DZANK1: variants seen among roughly 807,000 people sequenced by gnomAD.
DZANK1 encodes the protein double zinc ribbon and ankyrin repeat domains 1.
DZANK1 carries 91 observed loss-of-function variants against 94.5 expected under a neutral mutation model. The ratio of observed to expected loss-of-function variants is 0.96; its 90% CI spans 0.81 to 1.15. DZANK1 has a LOEUF of 1.15. Ranked by LOEUF, DZANK1 falls within the 50% of genes most tolerant of loss-of-function variation. The pLI, the probability that DZANK1 is intolerant of heterozygous loss-of-function variation, is 0.00. For synonymous variants in DZANK1, 312 were observed against 325.3 expected (o/e 0.96, Z 0.44); for missense variants, 903 against 916.4 (o/e 0.99, Z 0.19).
intron 6 of DZANK1, among the ~76,000 whole-genome samples, chr20:18,449,906 C>G (rs1331186515): frequency 1.3e-5 from 2 of 151,078 alleles, no homozygotes; most frequent in African/African-American, 4.9e-5. Context: ...TGGAGAAACC[C>G]CGTCTCTACT....
intron 2 of DZANK1, among the ~76,000 whole-genome samples, chr20:18,464,738 C>T (rs144968867): frequency 0.019 from 2,604 of 140,338 alleles, 85 homozygotes; most frequent in African/African-American, 0.066. Flanking sequence ...TGCACTGGCG[C>T]GATCTCGGCT....
rs1055986346 is a variant in DZANK1, at chr20:18,394,547, G to T, written c.1612-197C>A. 22 of 690,686 alleles carry T rather than the reference G, an allele frequency of 3.2e-5. No individual in the cohort carries two copies. In the African/African-American group the frequency reaches 3.5e-4, roughly 11 times the overall value. The allele number at this position is 690,686 out of a possible 1,614,324, so 42.8% of individuals were successfully genotyped here. ...GCTTTGTCCGTTCTGCCCCTTACCC[G>T]CGGCTCAGTCTGGCCCCTCCTCCTC... On this transcript the variant is annotated intron_variant, in intron 15 of 20. Transcript: ENST00000262547.
chr20:18,413,761 C>T (rs1568927834), intron 12 of DZANK1, among the ~76,000 whole-genome samples: 3 of 151,966 alleles, frequency 2.0e-5, no homozygotes, highest in Non-Finnish European at 4.4e-5. Context: ...GCCTGAGCAA[C>T]ACAGCGAGAC....
At chr20:18,414,370 T>C in exon 12 of DZANK1, 1 of 1,613,944 alleles carries the variant, frequency 6.2e-7, no homozygotes, top group Non-Finnish European at 8.5e-7. Context: ...GCGAGGTTCC[T>C]CAGCAGCTAG....
At position 18,415,355 on chromosome 20, in the gene DZANK1, G is replaced by A. The variant is rs151133433; in HGVS notation, c.1049C>T (p.Ala350Val). The A allele has an allele frequency of 7.8e-5, 124 of 1,590,038 alleles. No homozygotes were observed. In the African/African-American group the frequency reaches 1.4e-3, roughly 17 times the overall value. ...GGCTCCACACCAGCCGCAGAAGGAC[G>A]CCTCCCAGAGATTCCAGCGACCACA... Residue 350 changes from alanine to valine, a missense_variant, in exon 11 of 21, where the codon GCG becomes GTG. Transcript: ENST00000262547.
At position 18,411,510 on chromosome 20, in the gene DZANK1, G is replaced by C. The variant is rs73265352; in HGVS notation, c.1432+1136C>G. ...AGAATTGCCCACTAGACAAACATCA[G>C]ATCCAGATAGCTTCACAGGTAATTT... On this transcript the variant is annotated intron_variant, in intron 13 of 20. Transcript: ENST00000262547. Among the ~76,000 whole-genome samples, 533 of 152,104 alleles carry C rather than the reference G, an allele frequency of 3.5e-3. 5 individuals are homozygous for C. Among genetic ancestry groups the C allele is most frequent in the African/African-American group, 0.012 (509 of 41,524 alleles).
At chr20:18,424,653 G>A (rs116897076) in intron 10 of DZANK1, among the ~76,000 whole-genome samples, 2,560 of 151,944 alleles carry the variant, frequency 0.017, 43 homozygotes, top group Non-Finnish European at 0.024. Context: ...TTTCATATAG[G>A]GCAGTATCTT....
At chr20:18,462,523 CATCAAAGAGATGCAA>C (rs1162655670) in intron 2 of DZANK1, among the ~76,000 whole-genome samples, 2 of 152,112 alleles carry the variant, frequency 1.3e-5, no homozygotes, top group African/African-American at 4.8e-5. Flanking sequence ...CATCACTAAT[CATCAAAGAGATGCAA>C]ATCAAAACCA....
intron 7 of DZANK1, 37 bp from the exon 8 acceptor site, chr20:18,443,501 G>T: frequency 8.4e-7 from 1 of 1,195,754 alleles, no homozygotes; most frequent in Non-Finnish European, 1.1e-6. Flanking sequence ...CCATGTTCTG[G>T]TGGGCCCACA....
intron 6 of DZANK1, among the ~76,000 whole-genome samples, chr20:18,451,602 T>C (rs1415214977): frequency 2.6e-5 from 4 of 152,284 alleles, no homozygotes; most frequent in Non-Finnish European, 5.9e-5. Flanking sequence ...ACCTCTCCCA[T>C]ATGTGAACTT....
At chr20:18,384,444 C>T (rs774310087) in exon 21 of DZANK1, 1 of 1,611,834 alleles carries the variant, frequency 6.2e-7, no homozygotes, top group Non-Finnish European at 8.5e-7. Flanking sequence ...CGAGTTGGTC[C>T]TCAAGCCCTT....
chr20:18,441,882 C>T lies in DZANK1; in HGVS notation c.747+1465G>A, dbSNP rs1476709241. On this transcript the variant is annotated intron_variant, in intron 8 of 20. Coordinates refer to ENST00000262547, the Ensembl canonical transcript of DZANK1. The surrounding 1 kb of genome is among the most constrained non-coding windows in gnomAD (Gnocchi z 4.1). ...GGGTGCCAGTGGAACTGAGAAGCGTCCATGGGACAACACTGAAATTCACAG... is the reference window on the plus strand; with the variant it reads ...GGGTGCCAGTGGAACTGAGAAGCGTTCATGGGACAACACTGAAATTCACAG... 6.6e-6 allele frequency among the ~76,000 whole-genome samples: 1 copy of T among 152,202 alleles called. No homozygotes were observed. Among genetic ancestry groups the T allele is most frequent in the Non-Finnish European group, 1.5e-5 (1 of 68,038 alleles).
chr20:18,414,376 G>C (rs1284998151), exon 12 of DZANK1: 3 of 1,613,984 alleles, frequency 1.9e-6, no homozygotes, highest in Non-Finnish European at 1.7e-6. Flanking sequence ...TTCCTCAGCA[G>C]CTAGAGCCAG....
chr20:18,412,854 C>A lies in DZANK1; in HGVS notation c.1243-19G>T. On this transcript the variant is annotated intron_variant, in intron 12 of 20. Transcript: ENST00000262547. ...TCAGGGACTGCCAGGCACATCGGGG[C>A]CATGCGTGAGGCAGAAGACATTTTT... 1 of 1,613,104 alleles carries A rather than the reference C, an allele frequency of 6.2e-7. No individual in the cohort carries two copies. The highest frequency in any genetic ancestry group is 8.5e-7 in the Non-Finnish European group (1 of 1,179,284).
At chr20:18,388,932 C>T (rs762728551) in intron 19 of DZANK1, among the ~76,000 whole-genome samples, 11 of 152,182 alleles carry the variant, frequency 7.2e-5, no homozygotes, top group Non-Finnish European at 1.0e-4. Context: ...TCCACTGACA[C>T]GGACCTTGAC....
chr20:18,390,882 C>A (rs1330277107), intron 17 of DZANK1, among the ~76,000 whole-genome samples: 3 of 152,034 alleles, frequency 2.0e-5, no homozygotes, highest in Non-Finnish European at 4.4e-5. Context: ...AACGAATGAG[C>A]CAATAAATTG....
At chr20:18,413,386 T>C (rs1232443033) in intron 12 of DZANK1, among the ~76,000 whole-genome samples, 2 of 152,218 alleles carry the variant, frequency 1.3e-5, no homozygotes, top group East Asian at 3.8e-4. Context: ...TTCCAATAGA[T>C]GGCAGTCAAG....
At chr20:18,417,293 C>T (rs1281004275) in intron 10 of DZANK1, among the ~76,000 whole-genome samples, 2 of 152,184 alleles carry the variant, frequency 1.3e-5, no homozygotes, top group Non-Finnish European at 2.9e-5. Flanking sequence ...ACATCACTGA[C>T]AGTTAACAAA....
intron 7 of DZANK1, among the ~76,000 whole-genome samples, chr20:18,445,881 C>T (rs866918483): frequency 4.6e-5 from 7 of 152,204 alleles, no homozygotes; most frequent in Middle Eastern, 3.4e-3. Context: ...CTCAGCCTCC[C>T]GAGTAGCTGG....
Sources: allele counts gnomAD v4.1 joint callset (sites outside exome capture counted in the v4.1 genomes callset), GRCh38; gene constraint gnomAD v4.1.1; non-coding constraint Gnocchi (gnomAD v3.1); transcripts MANE v1.5; gene names NCBI Gene and HGNC (gene_info 2026-07-23, HGNC 2026-07-21).